Variants in IQCK observed in about 807,000 individuals in gnomAD.
The protein encoded by IQCK is IQ motif containing K.
A neutral mutation model predicts 28.1 loss-of-function variants in IQCK; 29 were observed. The ratio of observed to expected loss-of-function variants is 1.03; its 90% CI spans 0.77 to 1.41. The LOEUF (loss-of-function observed/expected upper bound fraction) is 1.41, where lower values mean the gene tolerates loss of function less well. Among genes scored for constraint, IQCK ranks in the 40% most tolerant of loss-of-function variants. The probability of loss-of-function intolerance (pLI) is 0.00; values close to 1 mark genes in which losing one functional copy is unlikely to be tolerated. For missense variants in IQCK, 359 were observed against 314.7 expected, an observed-to-expected ratio of 1.14 and a Z score of -1.07; for synonymous variants, 113 against 115.1, an observed-to-expected ratio of 0.98 and a Z score of 0.12.
exon 1 of IQCK, chr16:19,718,477 G>C (rs1977332388): frequency 1.2e-6 from 2 of 1,605,424 alleles, no homozygotes; most frequent in Non-Finnish European, 1.7e-6. Flanking sequence ...TGTGGGAGCA[G>C]ATCTGCAAGG....
chr16:19,787,114 C>T (rs932570273), intron 6 of IQCK, among the ~76,000 whole-genome samples: 1 of 25,302 alleles, frequency 4.0e-5, no homozygotes, highest in African/African-American at 8.8e-4. Context: ...TTTTCTTTTT[C>T]TTTTTTTAAG....
downstream of IQCK, among the ~76,000 whole-genome samples, chr16:19,829,959 T>G (rs879682124): frequency 6.6e-6 from 1 of 152,186 alleles, no homozygotes; most frequent in African/African-American, 2.4e-5. Flanking sequence ...CTGCCTGGCT[T>G]AACTCCTAGT....
chr16:19,723,953 C>G (rs1475424819), intron 1 of IQCK, among the ~76,000 whole-genome samples: 1 of 144,928 alleles, frequency 6.9e-6, no homozygotes, highest in Admixed American at 7.0e-5. Context: ...GAGTGAGACT[C>G]TTGTTTCAAA....
chr16:19,824,613 TCA>T (rs2056120881), intron 7 of IQCK, among the ~76,000 whole-genome samples: 1 of 152,240 alleles, frequency 6.6e-6, no homozygotes, highest in Admixed American at 6.5e-5. Flanking sequence ...TCAGGTTGTC[TCA>T]CAGCATTCTT....
chr16:19,820,376 T>G (rs934653468), intron 7 of IQCK, among the ~76,000 whole-genome samples: 2 of 151,564 alleles, frequency 1.3e-5, no homozygotes, highest in Non-Finnish European at 2.9e-5. Flanking sequence ...ATTGCTGGGC[T>G]TGGTGGCTCA....
chr16:19,759,239 T>G (rs1187700523), intron 4 of IQCK, among the ~76,000 whole-genome samples: 1 of 151,978 alleles, frequency 6.6e-6, no homozygotes, highest in East Asian at 1.9e-4. Context: ...TGAGATGGAG[T>G]CTTGCTCTGT....
intron 9 of IQCK, among the ~76,000 whole-genome samples, chr16:19,853,090 A>T (rs1333992924): frequency 6.6e-6 from 1 of 152,170 alleles, no homozygotes; most frequent in Non-Finnish European, 1.5e-5. Flanking sequence ...TCCTCCCAGT[A>T]CACGTATGGA....
chr16:19,821,992 G>C (rs1597589151), intron 7 of IQCK, among the ~76,000 whole-genome samples: 1 of 150,326 alleles, frequency 6.7e-6, no homozygotes, highest in Middle Eastern at 3.5e-3. Flanking sequence ...CTTGACTCTG[G>C]GAGGTGGAGG....
At chr16:19,821,163 C>T (rs895305459) in intron 7 of IQCK, among the ~76,000 whole-genome samples, 7 of 150,306 alleles carry the variant, frequency 4.7e-5, no homozygotes, top group African/African-American at 1.7e-4. Flanking sequence ...GGCAAAAAAG[C>T]GAGACCCTAT....
chr16:19,784,133 T>A (rs937966984), intron 6 of IQCK, among the ~76,000 whole-genome samples: 2 of 152,186 alleles, frequency 1.3e-5, no homozygotes, highest in African/African-American at 4.8e-5. Context: ...GAGGTTCAGA[T>A]AAATGAGTAT....
intron 1 of IQCK, among the ~76,000 whole-genome samples, chr16:19,719,451 C>T (rs1357395999): frequency 4.0e-5 from 6 of 151,460 alleles, no homozygotes; most frequent in African/African-American, 1.2e-4. Flanking sequence ...ATTATCTGGG[C>T]GTGGTGGTGT....
intron 9 of IQCK, among the ~76,000 whole-genome samples, chr16:19,835,357 T>C (rs934399395): frequency 1.3e-5 from 2 of 152,180 alleles, no homozygotes; most frequent in Admixed American, 1.3e-4. Flanking sequence ...GTAACTGGCT[T>C]GTTTTTTCTT....
chr16:19,829,708 T>A (rs373497289), downstream of IQCK, among the ~76,000 whole-genome samples: 4 of 152,132 alleles, frequency 2.6e-5, 1 homozygote, highest in African/African-American at 9.6e-5. Flanking sequence ...AAATGTGGAG[T>A]CCTTTAGGCC....
At chr16:19,803,881 T>C (rs2055796492) in intron 7 of IQCK, among the ~76,000 whole-genome samples, 1 of 152,250 alleles carries the variant, frequency 6.6e-6, no homozygotes, top group East Asian at 1.9e-4. Context: ...CTCCTGGCCT[T>C]AAGTGATTCT....
At chr16:19,820,299 T>C (rs111252957) in intron 7 of IQCK, among the ~76,000 whole-genome samples, 4,741 of 152,192 alleles carry the variant, frequency 0.031, 253 homozygotes, top group African/African-American at 0.11. Context: ...GGTGGATCGC[T>C]TGAGGTCAGG....
At chr16:19,735,243 C>G in intron 3 of IQCK, 110 bp from the exon 4 acceptor site, 1 of 737,010 alleles carries the variant, frequency 1.4e-6, no homozygotes, top group Non-Finnish European at 2.4e-6. Flanking sequence ...CATCTAAGAT[C>G]ATGTGATTGA....
chr16:19,764,076 T>C (rs1173361418), exon 6 of IQCK: 1 of 1,613,824 alleles, frequency 6.2e-7, no homozygotes, highest in African/African-American at 1.3e-5. Flanking sequence ...ACAGAATTTT[T>C]CTCCATTCCA....
At chr16:19,851,010 C>T (rs1021204050) in intron 9 of IQCK, among the ~76,000 whole-genome samples, 2 of 152,128 alleles carry the variant, frequency 1.3e-5, no homozygotes, top group African/African-American at 2.4e-5. Flanking sequence ...GGTAACAGAG[C>T]GAGACCTGGT....
Position 19,843,711 on chromosome 16 carries a change from G to A in IQCK, c.803-12776G>A, listed in dbSNP as rs146697875. ...AGGTTCTAGTGAGGGCTCTCTTCCC[G>A]GCTTGCAGACAGCCACCTTCTTGCT... On this transcript the variant is annotated intron_variant, in intron 9 of 9. Transcript: ENST00000320394. Among the ~76,000 whole-genome samples the A allele has an allele frequency of 3.1e-4, 47 of 152,272 alleles. No individual in the cohort carries two copies. The East Asian group carries it at 8.1e-3, about 26-fold the overall frequency.
Sources: allele counts gnomAD v4.1 joint callset (sites outside exome capture counted in the v4.1 genomes callset), GRCh38; gene constraint gnomAD v4.1.1; transcripts MANE v1.5; gene names NCBI Gene and HGNC (gene_info 2026-07-23, HGNC 2026-07-21).